Variants in MAPK10 observed in about 807,000 individuals in gnomAD.
MAPK10 encodes JNK3 alpha protein kinase.
MAPK10 carries 25 observed loss-of-function variants against 59.3 expected under a neutral mutation model. The observed-to-expected ratio is 0.42, with a 90% CI of 0.31 to 0.59. The LOEUF (loss-of-function observed/expected upper bound fraction) is 0.59. Ranked by LOEUF, MAPK10 falls within the 20% of genes least tolerant of loss-of-function variation. The pLI, the probability that MAPK10 is intolerant of heterozygous loss-of-function variation, is 0.15. For missense variants in MAPK10, 351 were observed against 568.9 expected (o/e 0.62, Z 3.90); for synonymous variants, 190 against 200.5 (o/e 0.95, Z 0.44).
chr4:86,128,436 T>G (rs550977491), intron 4 of MAPK10, among the ~76,000 whole-genome samples: 4 of 152,172 alleles, frequency 2.6e-5, no homozygotes, highest in East Asian at 1.9e-4. Context: ...TCTTATGAGA[T>G]CTGATGGTTT....
At chr4:86,442,795 T>C (rs1326504868) in intron 1 of MAPK10, among the ~76,000 whole-genome samples, 2 of 152,220 alleles carry the variant, frequency 1.3e-5, no homozygotes, top group African/African-American at 4.8e-5. Flanking sequence ...AATTTGATTA[T>C]TCATTCTCCG....
chr4:86,023,393 A>C (rs1414785328), intron 13 of MAPK10, among the ~76,000 whole-genome samples: 1 of 152,124 alleles, frequency 6.6e-6, no homozygotes, highest in Non-Finnish European at 1.5e-5. Flanking sequence ...GTTGTTTTTC[A>C]AGGTTATTTT....
At chr4:86,199,956 T>C (rs1276183833) in intron 2 of MAPK10, among the ~76,000 whole-genome samples, 3 of 151,990 alleles carry the variant, frequency 2.0e-5, no homozygotes, top group African/African-American at 7.2e-5. Context: ...ATTAATAAAT[T>C]ATAGAACTTT....
chr4:86,213,103 G>C (rs930134921), intron 2 of MAPK10, among the ~76,000 whole-genome samples: 15 of 151,990 alleles, frequency 9.9e-5, no homozygotes, highest in Non-Finnish European at 2.2e-4. Flanking sequence ...ACAACCAATG[G>C]ATCAAATAAG....
At chr4:86,573,253 G>A (rs1761605857) in intron 1 of MAPK10, among the ~76,000 whole-genome samples, 1 of 152,062 alleles carries the variant, frequency 6.6e-6, no homozygotes, top group Admixed American at 6.6e-5. Flanking sequence ...TATCGCTTTA[G>A]GTTTCACATT....
At chr4:86,435,660 T>A (rs1272870655) in intron 1 of MAPK10, among the ~76,000 whole-genome samples, 2 of 152,186 alleles carry the variant, frequency 1.3e-5, no homozygotes, top group African/African-American at 4.8e-5. Flanking sequence ...TTAGCTCCTG[T>A]CAACCAGCAA....
At chr4:86,243,075 C>T (rs912862119) in intron 2 of MAPK10, among the ~76,000 whole-genome samples, 1 of 152,182 alleles carries the variant, frequency 6.6e-6, no homozygotes, top group Non-Finnish European at 1.5e-5. Context: ...GTCCCCTTCC[C>T]CGTGTGGGTC....
At chr4:86,422,561 G>A (rs1469218671) in intron 1 of MAPK10, among the ~76,000 whole-genome samples, 1 of 152,136 alleles carries the variant, frequency 6.6e-6, no homozygotes, top group Non-Finnish European at 1.5e-5. Flanking sequence ...AATCAGAATG[G>A]CTTCTTTATT....
At chr4:86,512,046 G>T (rs1262547290) in intron 1 of MAPK10, among the ~76,000 whole-genome samples, 4 of 152,092 alleles carry the variant, frequency 2.6e-5, no homozygotes, top group African/African-American at 9.7e-5. Context: ...AAAATTACAT[G>T]ACATTAAGTA....
intron 2 of MAPK10, among the ~76,000 whole-genome samples, chr4:86,228,954 T>C (rs939336117): frequency 2.0e-5 from 3 of 152,174 alleles, no homozygotes; most frequent in Admixed American, 2.0e-4. Context: ...GTTCAAAACA[T>C]AGCAACATTC....
intron 3 of MAPK10, among the ~76,000 whole-genome samples, chr4:86,187,134 T>G (rs571624513): frequency 1.3e-5 from 2 of 150,814 alleles, no homozygotes; most frequent in East Asian, 3.9e-4. Flanking sequence ...CCCCTTATAT[T>G]CAGAGAATAC....
Position 86,017,450 on chromosome 4 carries a change from G to A in MAPK10, c.1253-80C>T. 6.7e-7 allele frequency: 1 copy of A among 1,496,236 alleles called. No individual in the cohort carries two copies. 92.7% of individuals were successfully genotyped at this position (1,496,236 alleles called of 1,614,324 possible). A position where few individuals can be genotyped will look rare whatever the true frequency, so the allele number is the denominator to read the frequency against. ...AATGCCATTCAGGATTCAGGGATGG[G>A]CAAATACAATAGGGGATGTCCAGTC... is the stretch of plus-strand genomic sequence containing the variant. On this transcript the variant is annotated intron_variant, in intron 13 of 13. Coordinates refer to ENST00000641462, the MANE Select transcript of MAPK10 (RefSeq NM_138982.4). This position sits in a 1 kb window ranked among gnomAD's most constrained non-coding sequence, Gnocchi z 4.4.
At chr4:86,577,062 G>A (rs1761954334) in intron 1 of MAPK10, among the ~76,000 whole-genome samples, 2 of 152,130 alleles carry the variant, frequency 1.3e-5, no homozygotes, top group African/African-American at 2.4e-5. Context: ...GCAGCTCTTT[G>A]GGATGCCGAG....
chr4:86,387,303 C>A (rs1027848739), intron 1 of MAPK10, among the ~76,000 whole-genome samples: 6 of 152,152 alleles, frequency 3.9e-5, no homozygotes, highest in African/African-American at 1.4e-4. Flanking sequence ...TAAGAAAAAT[C>A]ATTGCCTGAT....
chr4:86,159,557 C>T, intron 3 of MAPK10, 90 bp from the exon 4 acceptor site: 1 of 1,051,006 alleles, frequency 9.5e-7, no homozygotes, highest in Non-Finnish European at 1.4e-6. Context: ...TTAATGATTA[C>T]TGACACTTAG....
intron 1 of MAPK10, among the ~76,000 whole-genome samples, chr4:86,496,907 C>A (rs545869662): frequency 5.3e-5 from 8 of 152,242 alleles, no homozygotes; most frequent in Middle Eastern, 3.4e-3. Context: ...TCCCATCCTG[C>A]AAATAATTAG....
In MAPK10 at chr4:86,067,876, T is replaced by A. The variant is rs769571259; in HGVS notation, c.882A>T (p.Val294=). Residue 294 remains valine, a synonymous_variant, in exon 10 of 14, where the codon GTA becomes GTT. Transcript: ENST00000641462. ...TGGGCCGATTCTCCACATAGTTTCT[T>A]ACTGTGGGTTGCAATTTCTTCATGA... ...PEFMKKLQPT[V]RNYVENRPKY... 1 of 1,613,598 alleles carries A rather than the reference T, an allele frequency of 6.2e-7. No homozygotes were observed. The highest frequency in any genetic ancestry group is 1.7e-5 in the Admixed American group (1 of 60,000).
At chr4:86,079,755 C>G (rs572151727) in intron 9 of MAPK10, 7 of 152,178 alleles carry the variant, frequency 4.6e-5, no homozygotes, top group African/African-American at 1.2e-4. Context: ...TCTGTAAGAC[C>G]AAATCGGGAA....
intron 4 of MAPK10, among the ~76,000 whole-genome samples, chr4:86,154,362 AAGAT>A (rs1189149442): frequency 6.6e-6 from 1 of 152,116 alleles, no homozygotes; most frequent in Non-Finnish European, 1.5e-5. Context: ...CCCTGGATGA[AAGAT>A]AGGAGAAAAA....
Sources: allele counts gnomAD v4.1 joint callset (sites outside exome capture counted in the v4.1 genomes callset), GRCh38; gene constraint gnomAD v4.1.1; non-coding constraint Gnocchi (gnomAD v3.1); transcripts MANE v1.5; gene names NCBI Gene and HGNC (gene_info 2026-07-23, HGNC 2026-07-21).